Variants in PARD3B observed in about 807,000 individuals in gnomAD.
PARD3B encodes par-3 family cell polarity regulator beta.
In PARD3B, 103 loss-of-function variants were observed where a neutral mutation model predicts 130.2. The observed-to-expected ratio is 0.79, with a 90% confidence interval of 0.67 to 0.93. The LOEUF (loss-of-function observed/expected upper bound fraction) is 0.93, where lower values mean the gene tolerates loss of function less well. PARD3B is among the 40% of genes least tolerant of loss of function. The probability of loss-of-function intolerance (pLI) is 0.00; values close to 1 mark genes in which losing one functional copy is unlikely to be tolerated. For synonymous variants in PARD3B, 583 were observed against 553.2 expected, an observed-to-expected ratio of 1.05 and a Z score of -0.76; for missense variants, 1,609 against 1,499.2, an observed-to-expected ratio of 1.07 and a Z score of -1.21.
intron 2 of PARD3B, among the ~76,000 whole-genome samples, chr2:204,879,761 C>T (rs912527965): frequency 5.3e-5 from 8 of 152,124 alleles, no homozygotes; most frequent in African/African-American, 9.7e-5. Flanking sequence ...TGGTTGGAGG[C>T]GGTTTGGCCT....
intron 18 of PARD3B, among the ~76,000 whole-genome samples, chr2:205,355,773 G>A (rs1289948633): frequency 1.3e-5 from 2 of 152,194 alleles, no homozygotes; most frequent in African/African-American, 4.8e-5. Flanking sequence ...TGGCTGGGGA[G>A]GCCTCAGGAG....
intron 2 of PARD3B, among the ~76,000 whole-genome samples, chr2:204,751,798 T>G (rs1389787928): frequency 6.6e-6 from 1 of 152,216 alleles, no homozygotes; most frequent in East Asian, 1.9e-4. Flanking sequence ...TTTAAGGTAG[T>G]ATTAAGATAA....
rs374676828 is a variant in PARD3B, at chr2:204,579,116, AATCATC to A, written c.120+33026_120+33031del. On this transcript the variant is annotated intron_variant, in intron 1 of 22. Coordinates refer to ENST00000406610, the MANE Select transcript of PARD3B (RefSeq NM_001302769.2). ...GGCTGGGGGCGGGGATATGAAAGGA[AATCATC>A]ATCATCATCATCATCATCATCATCA... 8.0e-3 allele frequency among the ~76,000 whole-genome samples: 1,205 copies of A among 150,790 alleles called. 17 individuals carry two copies. Among genetic ancestry groups the A allele is most frequent in the African/African-American group, 0.027 (1,119 of 40,934 alleles).
intron 20 of PARD3B, among the ~76,000 whole-genome samples, chr2:205,478,279 G>A (rs941289151): frequency 1.3e-5 from 2 of 152,178 alleles, no homozygotes; most frequent in Admixed American, 1.3e-4. Flanking sequence ...CTGAAAACCT[G>A]TCTGTGTGTC....
rs1178672450 is a variant in PARD3B, at chr2:204,887,518, C to T, written c.223-77634C>T. ...AAAGCAAAACACTCAAATTATACCA[C>T]GTTGAAAACATGAAGAGGTGTTTTT... On this transcript the variant is annotated intron_variant, in intron 2 of 22. Transcript: ENST00000406610. The surrounding 1 kb of genome is among the most constrained non-coding windows in gnomAD (Gnocchi z 4.2). Among the ~76,000 whole-genome samples the T allele has an allele frequency of 6.6e-6, 1 of 152,012 alleles. No individual in the cohort carries two copies. Among genetic ancestry groups the T allele is most frequent in the Non-Finnish European group, 1.5e-5 (1 of 68,018 alleles).
At chr2:204,724,225 A>G (rs2039121633) in intron 2 of PARD3B, among the ~76,000 whole-genome samples, 1 of 152,158 alleles carries the variant, frequency 6.6e-6, no homozygotes, top group Non-Finnish European at 1.5e-5. Flanking sequence ...AATCATTTAT[A>G]TTTCTCAAGT....
chr2:204,874,591 C>T (rs1004476116), intron 2 of PARD3B, among the ~76,000 whole-genome samples: 1 of 151,610 alleles, frequency 6.6e-6, no homozygotes, highest in Non-Finnish European at 1.5e-5. Context: ...TTTTAAAAAT[C>T]GAGGTATAAT....
At chr2:205,173,587 TTATTC>T (rs2035298552) in intron 12 of PARD3B, among the ~76,000 whole-genome samples, 1 of 152,188 alleles carries the variant, frequency 6.6e-6, no homozygotes, top group South Asian at 2.1e-4. Flanking sequence ...CTATCTTACT[TTATTC>T]TATTATCAGC....
chr2:205,581,827 A>C (rs2054001765), intron 22 of PARD3B, among the ~76,000 whole-genome samples: 1 of 152,204 alleles, frequency 6.6e-6, no homozygotes, highest in African/African-American at 2.4e-5. Context: ...AGATGGTGGA[A>C]GTAGGCATAA....
intron 2 of PARD3B, among the ~76,000 whole-genome samples, chr2:204,780,210 C>A (rs1439298283): frequency 6.6e-6 from 1 of 152,102 alleles, no homozygotes; most frequent in Non-Finnish European, 1.5e-5. Context: ...GAGTTCTTAG[C>A]CTAATTAATC....
chr2:205,422,763 G>A (rs977006849), intron 19 of PARD3B, among the ~76,000 whole-genome samples: 2 of 152,068 alleles, frequency 1.3e-5, no homozygotes, highest in East Asian at 3.9e-4. Context: ...CTGGAGCAAA[G>A]GGCCACTAGG....
At chr2:205,604,401 A>G (rs1032702328) in intron 22 of PARD3B, among the ~76,000 whole-genome samples, 1 of 152,166 alleles carries the variant, frequency 6.6e-6, no homozygotes, top group Non-Finnish European at 1.5e-5. Context: ...CCCATTATTA[A>G]AACCATCATA....
chr2:205,538,764 T>A (rs1397129708), intron 21 of PARD3B, among the ~76,000 whole-genome samples: 7 of 152,182 alleles, frequency 4.6e-5, no homozygotes, highest in Admixed American at 1.3e-4. Flanking sequence ...AGGGAAGAAA[T>A]CCTCTCCAAG....
chr2:205,327,583 C>A (rs951678883), intron 18 of PARD3B, among the ~76,000 whole-genome samples: 9 of 152,182 alleles, frequency 5.9e-5, no homozygotes, highest in African/African-American at 2.2e-4. Context: ...ACGGACAGAA[C>A]TGGTAGGATT....
At chr2:204,998,539 T>C (rs1694545294) in intron 3 of PARD3B, among the ~76,000 whole-genome samples, 1 of 140,272 alleles carries the variant, frequency 7.1e-6, no homozygotes. Flanking sequence ...TATGTGTGTA[T>C]ATATATATAA....
intron 18 of PARD3B, among the ~76,000 whole-genome samples, chr2:205,323,780 C>T (rs531327458): frequency 1.2e-4 from 18 of 152,224 alleles, no homozygotes; most frequent in African/African-American, 3.9e-4. Flanking sequence ...GGGACATCTT[C>T]GGGATAAATC....
chr2:205,520,587 G>GAGCAT, intron 21 of PARD3B, among the ~76,000 whole-genome samples: 1 of 151,954 alleles, frequency 6.6e-6, no homozygotes, highest in African/African-American at 2.4e-5. Flanking sequence ...AAAATGCTTA[G>GAGCAT]GTAATTGGTA....
At chr2:205,232,142 A>G (rs2038867370) in intron 15 of PARD3B, among the ~76,000 whole-genome samples, 2 of 152,224 alleles carry the variant, frequency 1.3e-5, no homozygotes, top group African/African-American at 2.4e-5. Flanking sequence ...CTATATTCCA[A>G]TGACATTTTA....
chr2:205,410,115 TTATTTTGGCA>T (rs2046547563), intron 19 of PARD3B, among the ~76,000 whole-genome samples: 1 of 152,188 alleles, frequency 6.6e-6, no homozygotes, highest in Non-Finnish European at 1.5e-5. Flanking sequence ...GATTTTTCTT[TTATTTTGGCA>T]TATTTGCATT....
Sources: allele counts gnomAD v4.1 joint callset (sites outside exome capture counted in the v4.1 genomes callset), GRCh38; gene constraint gnomAD v4.1.1; non-coding constraint Gnocchi (gnomAD v3.1); transcripts MANE v1.5; gene names NCBI Gene and HGNC (gene_info 2026-07-23, HGNC 2026-07-21).